PDE4D: variants seen among roughly 807,000 people sequenced by gnomAD.
PDE4D encodes the protein 3',5'-cyclic-AMP phosphodiesterase 4D.
Under a neutral mutation model 87.4 loss-of-function variants are expected in PDE4D, and 24 were observed. The observed-to-expected ratio is 0.27, with a 90% CI of 0.20 to 0.39. PDE4D has a LOEUF of 0.39. Among genes scored for constraint, PDE4D ranks in the 10% least tolerant of loss-of-function variants. PDE4D has a pLI of 1.00. For synonymous variants in PDE4D, 384 were observed against 383.2 expected, an observed-to-expected ratio of 1.00 and a Z score of -0.02; for missense variants, 714 against 1,041.0, an observed-to-expected ratio of 0.69 and a Z score of 4.32.
chr5:60,265,930 AAGT>A (rs1750161408), intron 1 of PDE4D, among the ~76,000 whole-genome samples: 1 of 152,182 alleles, frequency 6.6e-6, no homozygotes, highest in Non-Finnish European at 1.5e-5. Context: ...TAGTGAACAT[AAGT>A]TCACAAGAAC....
At chr5:59,619,342 A>G (rs578237407) in intron 1 of PDE4D, among the ~76,000 whole-genome samples, 1 of 152,260 alleles carries the variant, frequency 6.6e-6, no homozygotes, top group Non-Finnish European at 1.5e-5. Context: ...CTAAAATATA[A>G]GCCTAGGGTC....
Position 59,153,067 on chromosome 5 carries a change from G to T in PDE4D, c.808+27528C>A, listed in dbSNP as rs1163379602. Reference sequence around the variant, plus strand: ...GCCCAAGTCAGAGGGAAAGAAAATGGAAGGAGCAAAAACAACAAAAATCCC... The same window carrying T: ...GCCCAAGTCAGAGGGAAAGAAAATGTAAGGAGCAAAAACAACAAAAATCCC... On this transcript the variant is annotated intron_variant, in intron 5 of 14. Transcript: ENST00000340635. Among the ~76,000 whole-genome samples the T allele has an allele frequency of 5.9e-5, 9 of 152,174 alleles. No homozygotes were observed. In the East Asian group the frequency reaches 1.7e-3, roughly 29 times the overall value.
Position 59,512,318 on chromosome 5 carries a change from T to G in PDE4D, c.456-296350A>C, listed in dbSNP as rs529558147. On this transcript the variant is annotated intron_variant, in intron 1 of 14. Transcript: ENST00000340635. ...TTCTCTGTTTCCATTAAGGTTATAT[T>G]CCTCTCTGGGTCAGTCAAATCAAAC... Among the ~76,000 whole-genome samples the G allele has an allele frequency of 1.6e-4, 25 of 152,246 alleles. No individual in the cohort carries two copies. In the South Asian group the frequency reaches 4.1e-3, roughly 25 times the overall value.
At chr5:60,439,991 T>G (rs780166884) in intron 1 of PDE4D, among the ~76,000 whole-genome samples, 2 of 151,734 alleles carry the variant, frequency 1.3e-5, no homozygotes, top group Non-Finnish European at 2.9e-5. Context: ...ATCCTATCTC[T>G]CTCCAACTCT....
chr5:60,091,211 G>A (rs1364709484), intron 2 of PDE4D, among the ~76,000 whole-genome samples: 2 of 152,168 alleles, frequency 1.3e-5, no homozygotes, highest in Non-Finnish European at 2.9e-5. Context: ...AGAGTGAAGA[G>A]ACAACCTGTT....
intron 1 of PDE4D, among the ~76,000 whole-genome samples, chr5:60,477,067 C>A (rs1374520595): frequency 6.6e-6 from 1 of 152,100 alleles, no homozygotes; most frequent in African/African-American, 2.4e-5. Flanking sequence ...TAAAATACGT[C>A]CAGTTTGAAG....
At chr5:60,228,013 G>A (rs1745331758) in intron 1 of PDE4D, among the ~76,000 whole-genome samples, 2 of 151,696 alleles carry the variant, frequency 1.3e-5, no homozygotes, top group Admixed American at 1.3e-4. Context: ...GCACCTCAAG[G>A]TCGCCTGCTG....
chr5:59,227,810 T>C (rs187118709), intron 1 of PDE4D, among the ~76,000 whole-genome samples: 3 of 152,266 alleles, frequency 2.0e-5, no homozygotes, highest in Non-Finnish European at 4.4e-5. Context: ...ATGTAAATTA[T>C]TAATAGTTCA....
chr5:60,408,224 T>A (rs770537516), intron 1 of PDE4D, among the ~76,000 whole-genome samples: 13 of 152,172 alleles, frequency 8.5e-5, no homozygotes, highest in Non-Finnish European at 1.6e-4. Context: ...GACCTGTAGC[T>A]TCCTGCGTGA....
chr5:60,377,157 C>T (rs1761496788), intron 1 of PDE4D, among the ~76,000 whole-genome samples: 1 of 152,192 alleles, frequency 6.6e-6, no homozygotes, highest in Non-Finnish European at 1.5e-5. Context: ...TATAGCATTC[C>T]TCACAATACA....
At chr5:59,878,407 A>G (rs1748923822) in intron 1 of PDE4D, among the ~76,000 whole-genome samples, 1 of 152,256 alleles carries the variant, frequency 6.6e-6, no homozygotes, top group African/African-American at 2.4e-5. Context: ...AGAACAAAGG[A>G]AAACAAAACT....
At chr5:60,344,756 T>C (rs755917607) in intron 1 of PDE4D, among the ~76,000 whole-genome samples, 4 of 152,116 alleles carry the variant, frequency 2.6e-5, no homozygotes, top group Non-Finnish European at 5.9e-5. Context: ...TATCCAAAGA[T>C]TTTTTAGAAA....
chr5:59,289,329 G>A (rs906817241), intron 1 of PDE4D, among the ~76,000 whole-genome samples: 2 of 151,530 alleles, frequency 1.3e-5, no homozygotes, highest in East Asian at 3.9e-4. Flanking sequence ...CCTGGTAATC[G>A]CAAATCAAAA....
At chr5:60,086,246 A>T (rs1375010782) in intron 2 of PDE4D, among the ~76,000 whole-genome samples, 1 of 152,224 alleles carries the variant, frequency 6.6e-6, no homozygotes, top group Non-Finnish European at 1.5e-5. Flanking sequence ...AATAAGATTG[A>T]ATATATGGAA....
At chr5:59,263,410 C>G (rs1762355392) in intron 1 of PDE4D, among the ~76,000 whole-genome samples, 2 of 151,806 alleles carry the variant, frequency 1.3e-5, no homozygotes, top group African/African-American at 2.4e-5. Flanking sequence ...AGTTTTAATT[C>G]TAATTGGGGA....
At chr5:59,437,380 C>T (rs892867916) in intron 1 of PDE4D, among the ~76,000 whole-genome samples, 11 of 152,168 alleles carry the variant, frequency 7.2e-5, no homozygotes, top group Admixed American at 2.0e-4. Flanking sequence ...AAGATACAAA[C>T]GGTTGCCAAT....
chr5:59,365,763 C>T (rs1239859197), intron 1 of PDE4D, among the ~76,000 whole-genome samples: 1 of 152,072 alleles, frequency 6.6e-6, no homozygotes, highest in African/African-American at 2.4e-5. Flanking sequence ...CAGCAAGAAT[C>T]TTACCTCGGA....
chr5:59,834,659 C>T (rs748353344), intron 1 of PDE4D, among the ~76,000 whole-genome samples: 9 of 151,926 alleles, frequency 5.9e-5, no homozygotes, highest in East Asian at 1.9e-4. Flanking sequence ...ACTCTTTAGG[C>T]GAAGAAAGTG....
intron 1 of PDE4D, among the ~76,000 whole-genome samples, chr5:59,333,202 CAA>C (rs1200024055): frequency 6.6e-6 from 1 of 152,094 alleles, no homozygotes; most frequent in African/African-American, 2.4e-5. Context: ...CAAAAGGAGG[CAA>C]AAGAGAATGA....
Sources: allele counts gnomAD v4.1 joint callset (sites outside exome capture counted in the v4.1 genomes callset), GRCh38; gene constraint gnomAD v4.1.1; transcripts MANE v1.5; gene names NCBI Gene and HGNC (gene_info 2026-07-23, HGNC 2026-07-21).